Variants in IDS observed in about 807,000 individuals in gnomAD.
IDS encodes alpha-L-iduronate sulfate sulfatase.
IDS carries 1 observed loss-of-function variant against 33.5 expected under a neutral mutation model. The observed-to-expected ratio is 0.03, with a 90% CI of 0.01 to 0.14. The LOEUF (loss-of-function observed/expected upper bound fraction) is 0.14. Ranked by LOEUF, IDS falls within the 10% of genes least tolerant of loss-of-function variation. The pLI is 1.00. For synonymous variants in IDS, 191 were observed against 184.4 expected (o/e 1.04, Z -0.29); for missense variants, 328 against 448.0 (o/e 0.73, Z 2.42).
At position 149,505,216 on chromosome X, in the gene IDS, C is replaced by T; in HGVS notation, c.-79G>A. 5 of 695,080 alleles carry T rather than the reference C, an allele frequency of 7.2e-6. No homozygotes were observed. The highest frequency in any genetic ancestry group is 6.3e-5 in the Admixed American group (2 of 31,859). The allele number at this position is 695,080 out of a possible 1,213,427, so 57.3% of individuals were successfully genotyped here. A position where few individuals can be genotyped will look rare whatever the true frequency, so the allele number is the denominator to read the frequency against. ...CGCAGTTAGCAGCCGCCGCCGCAGC[C>T]ACAGAGACCTCCTCGTCGGGAACCC... On this transcript the variant is annotated 5_prime_UTR_variant, in exon 1 of 9. Transcript: ENST00000340855.
rs369954416 is a variant in IDS, at chrX:149,505,120, G to C, written c.18C>G (p.Thr6=). Residue 6 remains threonine, a synonymous_variant, in exon 1 of 9, where the codon ACC becomes ACG. Coordinates refer to ENST00000340855, the MANE Select transcript of IDS (RefSeq NM_000202.8). MPPPR[T]GRGLLWLGLV... is the part of the protein sequence containing the mutation. ...GACCCAGCCAGAGAAGGCCTCGGCC[G>C]GTCCGGGGTGGCGGCATTTCGGCTT... 1 of 1,194,561 alleles carries C rather than the reference G, an allele frequency of 8.4e-7. No individual in the cohort carries two copies.
intron 3 of IDS, chrX:149,502,109 C>G (rs1309957559): frequency 3.0e-6 from 1 of 330,587 alleles, no homozygotes; most frequent in East Asian, 9.7e-5. Context: ...CATCTTGAAG[C>G]AGGCCCAATG....
At chrX:149,495,638 C>G (rs190658576) in intron 6 of IDS, 3 of 112,727 alleles carry the variant, frequency 2.7e-5, no homozygotes, top group Non-Finnish European at 3.8e-5. Context: ...ATCTTCCATC[C>G]GCTATAGCTT....
At chrX:149,490,240 T>C (rs782601354) in intron 7 of IDS, 74 bp downstream of exon 7, 5 of 1,088,138 alleles carry the variant, frequency 4.6e-6, no homozygotes, top group Non-Finnish European at 6.4e-6. Flanking sequence ...TTTATGTCAA[T>C]GGCAATTTTG....
Position 149,482,897 on chromosome X carries a change from A to G in IDS, c.1502T>C (p.Val501Ala). Residue 501 changes from valine to alanine, a missense_variant, in exon 9 of 9, where the codon GTG (valine) becomes GCG (alanine). This residue lies in a region of IDS where 265 missense variants were observed against 339.2 expected (regional missense o/e 0.78). Coordinates refer to ENST00000340855, the MANE Select transcript of IDS (RefSeq NM_000202.8). ...TTCATCAGGATTGAAGCCAACCCAC[A>G]CAGTATACCTATAGTCTATGGTGCG... The part of the protein sequence containing the change: ...SIRTIDYRYT[V>A]WVGFNPDEFL... The G allele has an allele frequency of 8.3e-7, 1 of 1,211,588 alleles. No individual in the cohort carries two copies. The highest frequency in any genetic ancestry group is 1.1e-6 in the Non-Finnish European group (1 of 895,201).
At chrX:149,493,007 G>T (rs782195540) in intron 6 of IDS, among the ~76,000 whole-genome samples, 1 of 111,656 alleles carries the variant, frequency 9.0e-6, no homozygotes, top group Admixed American at 9.5e-5. Flanking sequence ...AGGAGAAAAG[G>T]CAGGGCAGGG....
intron 6 of IDS, among the ~76,000 whole-genome samples, chrX:149,495,073 GAGGACTAA>G (rs2089425120): frequency 8.9e-6 from 1 of 111,937 alleles, no homozygotes; most frequent in Non-Finnish European, 1.9e-5. Context: ...AAGTCCCCAT[GAGGACTAA>G]AGGCGATACC....
chrX:149,497,287 TC>T (rs1402266589), intron 5 of IDS, among the ~76,000 whole-genome samples: 5 of 112,294 alleles, frequency 4.5e-5, no homozygotes, highest in African/African-American at 1.6e-4. Context: ...AAATCAAAGT[TC>T]CCAGATGCCA....
chrX:149,498,078 G>A, intron 5 of IDS, 29 bp downstream of exon 5: 1 of 1,152,522 alleles, frequency 8.7e-7, no homozygotes, highest in African/African-American at 1.8e-5. Flanking sequence ...TCACAGCTGT[G>A]CTGGATCAGC....
At chrX:149,503,105 G>A (rs2089493230) in intron 3 of IDS, 1 of 1,133,845 alleles carries the variant, frequency 8.8e-7, no homozygotes. Context: ...TTTCTGAAAG[G>A]AAGCAAAGCT....
Position 149,498,664 on chromosome X carries a change from A to G in IDS, c.508-357T>C, listed in dbSNP as rs374986329. Among the ~76,000 whole-genome samples, 18 of 113,272 alleles carry G rather than the reference A, an allele frequency of 1.6e-4. No individual in the cohort carries two copies. In the East Asian group the frequency reaches 2.7e-3, roughly 17 times the overall value. On this transcript the variant is annotated intron_variant, in intron 4 of 8. Transcript: ENST00000340855. The stretch of plus-strand genomic sequence containing the variant: ...TTGGATAGACATTTCTCCAAAGATG[A>G]TATACAAATGGCCAATTGAACATGG...
rs925320593 is a variant in IDS at position 149,505,051 on chromosome X, C to T, written c.87G>A (p.Gln29=). The change falls in exon 1 of 9, where the codon CAG becomes CAA. Residue 29 remains glutamine (Q), a synonymous_variant. Transcript: ENST00000340855. ...SVCVALGSET[Q]ANSTTDALNV... ...GGGCGGCACCTGTGGTCGAGTTGGC[C>T]TGCGTTTCGGATCCGAGGGCGACGC... is the stretch of plus-strand genomic sequence containing the variant. 2 of 1,208,444 alleles carry T rather than the reference C, an allele frequency of 1.7e-6. No individual in the cohort carries two copies. The highest frequency in any genetic ancestry group is 2.2e-6 in the Non-Finnish European group (2 of 892,794).
intron 3 of IDS, chrX:149,502,894 G>C (rs782543157): frequency 3.0e-6 from 1 of 338,576 alleles, no homozygotes; most frequent in East Asian, 5.5e-5. Context: ...CCCCTCATTG[G>C]GCAATAAGTC....
In IDS at chrX:149,505,233, C is replaced by A. The variant is rs782542779; in HGVS notation, c.-96G>T. ...GCCGCAGCCACAGAGACCTCCTCGT[C>A]GGGAACCCATGAAGACTGCGCAACA... On this transcript the variant is annotated 5_prime_UTR_variant, in exon 1 of 9. Coordinates refer to ENST00000340855, the MANE Select transcript of IDS (RefSeq NM_000202.8). 5.0e-6 allele frequency: 3 copies of A among 602,307 alleles called. No individual in the cohort carries two copies. The African/African-American group carries it at 6.9e-5, about 14-fold the overall frequency. The allele number at this position is 602,307 out of a possible 1,213,427, so 49.6% of individuals were successfully genotyped here.
At chrX:149,502,383 G>A (rs2089486972) in intron 3 of IDS, among the ~76,000 whole-genome samples, 2 of 112,208 alleles carry the variant, frequency 1.8e-5, no homozygotes, top group Admixed American at 9.4e-5. Context: ...CAAGGGGTAT[G>A]GTAATGAGAA....
Position 149,479,666 on chromosome X carries a change from T to C in IDS, c.*3080A>G, listed in dbSNP as rs1262581174. The C allele has an allele frequency of 8.9e-6, 1 of 111,998 alleles. No homozygotes were observed. Among genetic ancestry groups the C allele is most frequent in the Non-Finnish European group, 1.9e-5 (1 of 53,250 alleles). The allele number at this position is 111,998 out of a possible 1,213,427, so 9.2% of individuals were successfully genotyped here. A position where few individuals can be genotyped will look rare whatever the true frequency, so the allele number is the denominator to read the frequency against. ...ACAATAAAATATATTACCAGCAATATATCTTTGTGAAAATCTATAATAACC... is the reference window on the plus strand; with the variant it reads ...ACAATAAAATATATTACCAGCAATACATCTTTGTGAAAATCTATAATAACC... On this transcript the variant is annotated 3_prime_UTR_variant, in exon 9 of 9. Coordinates refer to ENST00000340855, the MANE Select transcript of IDS (RefSeq NM_000202.8).
chrX:149,494,280 A>G (rs189085696), intron 6 of IDS, among the ~76,000 whole-genome samples: 1 of 112,187 alleles, frequency 8.9e-6, no homozygotes, highest in Non-Finnish European at 1.9e-5. Flanking sequence ...ACCAGGCCTT[A>G]GCTATTTAGG....
rs1182799350 is a variant in IDS at position 149,486,507 on chromosome X, G to A, written c.1180+418C>T. Among the ~76,000 whole-genome samples, 3 of 111,516 alleles carry A rather than the reference G, an allele frequency of 2.7e-5. No homozygotes were observed. In the East Asian group the frequency reaches 8.5e-4, roughly 32 times the overall value. ...GATGAGCTGTCAAAATGGAAAATGT[G>A]CCCCCCACAAAGAAGGCTGAGTCCC... On this transcript the variant is annotated intron_variant, in intron 8 of 8. Coordinates refer to ENST00000340855, the MANE Select transcript of IDS (RefSeq NM_000202.8).
Position 149,482,664 on chromosome X carries a change from A to G in IDS, c.*82T>C. ...CAGGCTGCTTCCAATATTATGGGTA[A>G]TCACAAAACGACCAGCTCTAACTCC... On this transcript the variant is annotated 3_prime_UTR_variant, in exon 9 of 9. Coordinates refer to ENST00000340855, the MANE Select transcript of IDS (RefSeq NM_000202.8). The G allele has an allele frequency of 8.4e-7, 1 of 1,190,538 alleles. No homozygotes were observed. The highest frequency in any genetic ancestry group is 1.8e-5 in the South Asian group (1 of 54,926).
Sources: allele counts gnomAD v4.1 joint callset (sites outside exome capture counted in the v4.1 genomes callset), GRCh38; gene constraint gnomAD v4.1.1; regional missense constraint gnomAD v4.1.1; transcripts MANE v1.5; gene names NCBI Gene and HGNC (gene_info 2026-07-23, HGNC 2026-07-21).